The following SKIC3 variants were observed in gnomAD, a reference collection of about 807,000 sequenced individuals.
SKIC3 encodes SKI3 subunit of superkiller complex.
the SKIC3 span, chr5:95,523,578 T>C: frequency 1.3e-6 from 2 of 1,484,366 alleles, no homozygotes; most frequent in East Asian, 2.5e-5. Flanking sequence ...AACTTTCAAG[T>C]ATACATATAT....
chr5:95,476,514 C>A, the SKIC3 span, among the ~76,000 whole-genome samples: 35 of 152,132 alleles, frequency 2.3e-4, no homozygotes, highest in African/African-American at 8.0e-4. Flanking sequence ...ATATGGCATA[C>A]CTTTTATTCC....
the SKIC3 span, chr5:95,554,822 C>T: frequency 6.3e-6 from 1 of 159,382 alleles, no homozygotes; most frequent in Non-Finnish European, 1.4e-5. Context: ...AACACTCAGC[C>T]ACGCTTGCGC....
the SKIC3 span, chr5:95,523,871 A>C: frequency 1.9e-6 from 3 of 1,570,128 alleles, no homozygotes; most frequent in Non-Finnish European, 2.6e-6. Context: ...GAACATTAAA[A>C]GTTCATTTAA....
chr5:95,552,234 A>T, the SKIC3 span, among the ~76,000 whole-genome samples: 1 of 152,184 alleles, frequency 6.6e-6, no homozygotes, highest in Non-Finnish European at 1.5e-5. Flanking sequence ...AAACATGAGT[A>T]CCCTCTTCAT....
chr5:95,503,754 T>G, the SKIC3 span: 1 of 1,606,810 alleles, frequency 6.2e-7, no homozygotes, highest in Non-Finnish European at 8.5e-7. Context: ...TCTGTATGTG[T>G]GCTCATCATG....
chr5:95,476,669 T>G, the SKIC3 span, among the ~76,000 whole-genome samples: 1 of 152,180 alleles, frequency 6.6e-6, no homozygotes, highest in African/African-American at 2.4e-5. Context: ...TCTCCACTAC[T>G]AAGGGCTTTA....
chr5:95,482,380 G>T, the SKIC3 span: 1 of 1,331,278 alleles, frequency 7.5e-7, no homozygotes, highest in Non-Finnish European at 1.1e-6. Context: ...GAGAGTGACA[G>T]CAAGCCAAAT....
the SKIC3 span, chr5:95,464,718 TTTA>T: frequency 6.5e-7 from 1 of 1,543,030 alleles, no homozygotes; most frequent in East Asian, 2.3e-5. Flanking sequence ...CAGTATTTTG[TTTA>T]TTAACAATAT....
chr5:95,509,028 T>C, the SKIC3 span, among the ~76,000 whole-genome samples: 1 of 152,112 alleles, frequency 6.6e-6, no homozygotes, highest in African/African-American at 2.4e-5. Context: ...TCTCTCTCAA[T>C]TTCTCCACCC....
At chr5:95,528,067 C>A in the SKIC3 span, 1 of 1,613,766 alleles carries the variant, frequency 6.2e-7, no homozygotes, top group South Asian at 1.1e-5. Context: ...AGAGTTTAAT[C>A]AAAGCCTCTG....
chr5:95,497,367 T>C, the SKIC3 span: 12 of 1,386,036 alleles, frequency 8.7e-6, no homozygotes, highest in East Asian at 2.4e-5. Context: ...ATATTTACCA[T>C]ATCACAAGTT....
the SKIC3 span, chr5:95,517,157 G>A: frequency 6.2e-7 from 1 of 1,613,316 alleles, no homozygotes; most frequent in Non-Finnish European, 8.5e-7. Context: ...TTCCTCCAAG[G>A]TGGAGGAGCT....
At chr5:95,478,159 T>TTC in the SKIC3 span, 1 of 1,036,158 alleles carries the variant, frequency 9.7e-7, no homozygotes, top group Non-Finnish European at 1.4e-6. Flanking sequence ...ATACAAAGTG[T>TTC]ATCAAGAAGC....
At chr5:95,485,115 G>T in the SKIC3 span, among the ~76,000 whole-genome samples, 2 of 152,094 alleles carry the variant, frequency 1.3e-5, no homozygotes, top group Non-Finnish European at 2.9e-5. Context: ...AACATGTAAA[G>T]ATTTACTATG....
At chr5:95,542,160 G>A in the SKIC3 span, among the ~76,000 whole-genome samples, 8 of 152,000 alleles carry the variant, frequency 5.3e-5, no homozygotes, top group East Asian at 1.9e-4. Context: ...CTTTTCTTTC[G>A]AAAATTCATT....
chr5:95,543,086 G>T, the SKIC3 span: 301 of 1,408,108 alleles, frequency 2.1e-4, no homozygotes, highest in African/African-American at 3.7e-3. Context: ...TGGGGCAAAT[G>T]TAGGTTTAAA....
chr5:95,464,648 T>C, the SKIC3 span: 4 of 1,613,526 alleles, frequency 2.5e-6, no homozygotes, highest in Admixed American at 1.7e-5. Context: ...AATGCTCTTG[T>C]ATCTCCATGA....
At chr5:95,522,329 G>A in the SKIC3 span, 3 of 1,611,424 alleles carry the variant, frequency 1.9e-6, 1 homozygote, top group South Asian at 3.3e-5. Context: ...AAAACCGTAA[G>A]AGAACTAAAA....
At chr5:95,498,492 C>T in the SKIC3 span, 1 of 1,614,234 alleles carries the variant, frequency 6.2e-7, no homozygotes, top group East Asian at 2.2e-5. Flanking sequence ...GCTTCAGTAA[C>T]TCATTAAGTG....
Sources: gnomAD v4.1 joint callset for allele counts (sites outside exome capture counted in the v4.1 genomes callset) on GRCh38, gnomAD v4.1.1 for gene constraint, MANE v1.5 for transcripts, NCBI Gene and HGNC (gene_info 2026-07-23, HGNC 2026-07-21) for gene names.